Variants in VPS13A observed in about 807,000 individuals in gnomAD.
The protein encoded by VPS13A is vacuolar protein sorting 13 homolog A, also known as intermembrane lipid transfer protein VPS13A.
A neutral mutation model predicts 390.9 loss-of-function variants in VPS13A; 264 were observed. The observed-to-expected ratio is 0.68, with a 90% CI of 0.61 to 0.75. VPS13A has a LOEUF of 0.75. Among genes scored for constraint, VPS13A ranks in the 30% least tolerant of loss-of-function variants. The pLI is 0.00. For synonymous variants in VPS13A, 1,231 were observed against 1,227.1 expected, an observed-to-expected ratio of 1.00 and a Z score of -0.07; for missense variants, 3,409 against 3,733.9, an observed-to-expected ratio of 0.91 and a Z score of 2.27.
rs774310423 is a variant in VPS13A at position 77,357,838 on chromosome 9, G to C, written c.7953G>C (p.Gln2651His). 3 of 1,612,002 alleles carry C rather than the reference G, an allele frequency of 1.9e-6. No individual in the cohort carries two copies. Among genetic ancestry groups the C allele is most frequent in the Admixed American group, 1.7e-5 (1 of 59,748 alleles). The change falls in exon 56 of 72, where the codon CAG (glutamine) becomes CAC (histidine). Residue 2651 changes from glutamine (Q) to histidine (H), a missense_variant and splice_region_variant. Physicochemically the swap from Gln to His is conservative, Grantham distance 24. Transcript: ENST00000360280. Reference protein sequence around the residue: ...SSFRIQIYRIQIQNQIHGAVF... With the variant: ...SSFRIQIYRIHIQNQIHGAVF... ...TTAGAATTCAGATTTACAGAATACA[G>C]GTAAGTCTTTCTGAAAATATAGGCA...
chr9:77,219,030 T>C (rs1823028631), intron 10 of VPS13A, among the ~76,000 whole-genome samples: 1 of 151,910 alleles, frequency 6.6e-6, no homozygotes, highest in African/African-American at 2.4e-5. Flanking sequence ...TAACTGATGG[T>C]GGAACTTCAG....
chr9:77,285,086 GTCT>G (rs1372869338), intron 31 of VPS13A, among the ~76,000 whole-genome samples: 2 of 152,026 alleles, frequency 1.3e-5, no homozygotes, highest in African/African-American at 4.8e-5. Flanking sequence ...CTTTCTCCTT[GTCT>G]TCTTGCACGA....
At chr9:77,314,750 T>A in intron 37 of VPS13A, 86 bp downstream of exon 37, 2 of 1,318,504 alleles carry the variant, frequency 1.5e-6, no homozygotes, top group Non-Finnish European at 2.2e-6. Context: ...TGCACGTTCA[T>A]TTTCTGAGTG....
intron 20 of VPS13A, among the ~76,000 whole-genome samples, chr9:77,248,475 C>T (rs1254372630): frequency 6.6e-6 from 1 of 152,070 alleles, no homozygotes; most frequent in African/African-American, 2.4e-5. Context: ...ACCTCGGCCT[C>T]CCAAAGTGCT....
At chr9:77,353,305 C>A in intron 53 of VPS13A, 104 bp from the exon 54 acceptor site, 1 of 813,982 alleles carries the variant, frequency 1.2e-6, no homozygotes. Context: ...GAAGTAGGTG[C>A]CATTAATAGT....
At chr9:77,316,065 G>T (rs1437289406) in intron 38 of VPS13A, 109 bp from the exon 39 acceptor site, 19 of 566,232 alleles carry the variant, frequency 3.4e-5, no homozygotes, top group Non-Finnish European at 4.4e-5. Context: ...TGGGATCTAA[G>T]ATTCTTTTGT....
intron 71 of VPS13A, among the ~76,000 whole-genome samples, chr9:77,412,784 A>G (rs886448515): frequency 5.3e-5 from 8 of 152,178 alleles, no homozygotes; most frequent in African/African-American, 1.9e-4. Context: ...AAGGGTATTC[A>G]ATTAGGAAAA....
intron 5 of VPS13A, among the ~76,000 whole-genome samples, chr9:77,209,088 G>C (rs534743236): frequency 6.6e-6 from 1 of 152,262 alleles, no homozygotes; most frequent in African/African-American, 2.4e-5. Flanking sequence ...CTTTGCTGCT[G>C]TTAGTGGATT....
intron 26 of VPS13A, among the ~76,000 whole-genome samples, chr9:77,279,065 A>G (rs1478748435): frequency 1.3e-5 from 2 of 152,188 alleles, no homozygotes; most frequent in Non-Finnish European, 2.9e-5. Flanking sequence ...CAACTTTGCC[A>G]TCTGCAGACA....
Position 77,410,417 on chromosome 9 carries a change from A to G in VPS13A, c.9474+2810A>G, listed in dbSNP as rs531808171. Among the ~76,000 whole-genome samples the G allele has an allele frequency of 7.0e-4, 107 of 152,166 alleles. 1 individual carries two copies. Among genetic ancestry groups the G allele is most frequent in the African/African-American group, 2.4e-3 (98 of 41,504 alleles). ...GAGCAAAATAACCAGCTAACATCAT[A>G]ATGACAGGATCAAATTCACACATAA... On this transcript the variant is annotated intron_variant, in intron 71 of 71. Transcript: ENST00000360280.
In VPS13A at chr9:77,294,053, A is replaced by G. The variant is rs559834655; in HGVS notation, c.3507+545A>G. Among the ~76,000 whole-genome samples the G allele has an allele frequency of 5.3e-5, 8 of 151,970 alleles. No homozygotes were observed. The South Asian group carries it at 1.7e-3, about 32-fold the overall frequency. On this transcript the variant is annotated intron_variant, in intron 32 of 71. Coordinates refer to ENST00000360280, the MANE Select transcript of VPS13A (RefSeq NM_033305.3). ...TGAGTAGCTGAGACTACAGGCACAT[A>G]TCACCATGCACATACCACCAAGCTA... is the stretch of plus-strand genomic sequence containing the variant.
intron 34 of VPS13A, among the ~76,000 whole-genome samples, 191 bp from the exon 35 acceptor site, chr9:77,307,754 C>T (rs77648191): frequency 5.9e-5 from 9 of 152,052 alleles, no homozygotes; most frequent in Non-Finnish European, 1.3e-4. Flanking sequence ...TAATTTAGTT[C>T]TATATTTCAC....
chr9:77,328,234 A>AT (rs1364383077), intron 45 of VPS13A, among the ~76,000 whole-genome samples: 6 of 151,952 alleles, frequency 3.9e-5, no homozygotes, highest in African/African-American at 1.2e-4. Flanking sequence ...TTTTGAAAGG[A>AT]TTTTTTTTCC....
intron 5 of VPS13A, among the ~76,000 whole-genome samples, chr9:77,207,803 A>G (rs571714613): frequency 6.6e-6 from 1 of 151,860 alleles, no homozygotes; most frequent in African/African-American, 2.4e-5. Flanking sequence ...CATGTTTGCT[A>G]TTTTTTGTTT....
At chr9:77,306,149 G>A (rs1029264025) in intron 34 of VPS13A, among the ~76,000 whole-genome samples, 3 of 152,226 alleles carry the variant, frequency 2.0e-5, no homozygotes, top group South Asian at 2.1e-4. Context: ...CCAAACATTA[G>A]TAGTATGTAT....
At chr9:77,180,211 T>C (rs968532057) in intron 1 of VPS13A, among the ~76,000 whole-genome samples, 1 of 152,242 alleles carries the variant, frequency 6.6e-6, no homozygotes, top group Non-Finnish European at 1.5e-5. Flanking sequence ...ATGTATGTTT[T>C]AAATTCTCTT....
chr9:77,393,143 A>G (rs1027641561), intron 68 of VPS13A, among the ~76,000 whole-genome samples: 2 of 152,200 alleles, frequency 1.3e-5, no homozygotes. Flanking sequence ...ACAATCATAG[A>G]ATCTTCCCCG....
rs529488944 is a variant in VPS13A, at chr9:77,226,434, G to T, written c.1225-32G>T. ...TTTCAGTTGCTAAATAAAGGATAAT[G>T]TGTCATTTATTTGAAAATTTATTCA... On this transcript the variant is annotated intron_variant, in intron 14 of 71. Transcript: ENST00000360280. The T allele has an allele frequency of 7.6e-6, 12 of 1,572,060 alleles. No individual in the cohort carries two copies. The East Asian group carries it at 2.5e-4, about 32-fold the overall frequency.
At chr9:77,341,800 A>G (rs1180299508) in intron 50 of VPS13A, among the ~76,000 whole-genome samples, 1 of 140,086 alleles carries the variant, frequency 7.1e-6, no homozygotes, top group Non-Finnish European at 1.5e-5. Flanking sequence ...CAGAAATTTC[A>G]CCTTTTTTCA....
Sources: allele counts gnomAD v4.1 joint callset (sites outside exome capture counted in the v4.1 genomes callset), GRCh38; gene constraint gnomAD v4.1.1; transcripts MANE v1.5; gene names NCBI Gene and HGNC (gene_info 2026-07-23, HGNC 2026-07-21).